CRISPLD2: variants seen among roughly 807,000 people sequenced by gnomAD.
The protein encoded by CRISPLD2 is cysteine rich secretory protein LCCL domain containing 2.
In CRISPLD2, 47 loss-of-function variants were observed where a neutral mutation model predicts 71.1. That is an observed-to-expected ratio of 0.66 (90% CI 0.52 to 0.84). The LOEUF (loss-of-function observed/expected upper bound fraction) is 0.84. Ranked by LOEUF, CRISPLD2 falls within the 40% of genes least tolerant of loss-of-function variation. The pLI, the probability that CRISPLD2 is intolerant of heterozygous loss-of-function variation, is 0.00. For synonymous variants in CRISPLD2, 317 were observed against 250.1 expected (o/e 1.27, Z -2.52); for missense variants, 830 against 651.1 (o/e 1.27, Z -2.99).
At chr16:84,881,755 G>A (rs768863694) in intron 13 of CRISPLD2, among the ~76,000 whole-genome samples, 3 of 151,940 alleles carry the variant, frequency 2.0e-5, no homozygotes, top group Non-Finnish European at 2.9e-5. Context: ...GGATTATAGG[G>A]GTGAGCCACT....
intron 7 of CRISPLD2, among the ~76,000 whole-genome samples, chr16:84,868,071 A>T (rs1213683847): frequency 6.6e-6 from 1 of 151,876 alleles, no homozygotes; most frequent in Non-Finnish European, 1.5e-5. Context: ...CTAAAACTGG[A>T]CCCCTCTTTG....
At chr16:84,850,933 T>C (rs1208986060) in intron 5 of CRISPLD2, among the ~76,000 whole-genome samples, 1 of 88,568 alleles carries the variant, frequency 1.1e-5, no homozygotes, top group African/African-American at 3.1e-5. Context: ...CAACATCACA[T>C]CTCCCCAAGC....
At chr16:84,882,129 A>G (rs905858578) in intron 13 of CRISPLD2, among the ~76,000 whole-genome samples, 2 of 152,186 alleles carry the variant, frequency 1.3e-5, no homozygotes, top group African/African-American at 2.4e-5. Flanking sequence ...TTTTCAAATG[A>G]TTTAAAAATA....
intron 6 of CRISPLD2, 43 bp downstream of exon 6, chr16:84,854,872 C>T (rs183662180): frequency 9.6e-5 from 138 of 1,432,160 alleles, no homozygotes; most frequent in Non-Finnish European, 1.2e-4. Context: ...AATTTGCCCT[C>T]AGTCTGAGTC....
chr16:84,836,907 C>T (rs1916634951), intron 1 of CRISPLD2, among the ~76,000 whole-genome samples: 1 of 152,210 alleles, frequency 6.6e-6, no homozygotes, highest in Non-Finnish European at 1.5e-5. Context: ...CCAGACAGAG[C>T]TGCTTCTTCC....
rs199841126 is a variant in CRISPLD2, at chr16:84,849,537, C to T, written c.492+20C>T. ...ACACAGGTAACTCGGGGACTTGCCA[C>T]GACCTCAGCCCTGCCCCCCAATCCC... On this transcript the variant is annotated intron_variant, in intron 4 of 14. Transcript: ENST00000262424. 1,468 of 1,611,462 alleles carry T rather than the reference C, an allele frequency of 9.1e-4. 1 individual carries two copies. The highest frequency in any genetic ancestry group is 1.2e-3 in the Non-Finnish European group (1,375 of 1,178,228).
chr16:84,901,308 C>G (rs887936173), intron 14 of CRISPLD2, among the ~76,000 whole-genome samples: 17 of 152,124 alleles, frequency 1.1e-4, no homozygotes, highest in African/African-American at 4.1e-4. Context: ...CACATAAGAT[C>G]TAAACATCTC....
intron 14 of CRISPLD2, among the ~76,000 whole-genome samples, chr16:84,900,096 C>T (rs2071740268): frequency 1.3e-5 from 2 of 152,170 alleles, no homozygotes; most frequent in East Asian, 3.9e-4. Context: ...CTTTCTCCTC[C>T]TCTTGGTCCG....
At position 84,884,241 on chromosome 16, in the gene CRISPLD2, C is replaced by G. The variant is rs567851509; in HGVS notation, c.1305+3657C>G. On this transcript the variant is annotated intron_variant, in intron 13 of 14. Transcript: ENST00000262424. ...CTGGCTCCGGGTGGCAGTCCCGCCT[C>G]TGATCTTTATCAGCTGAGTGATTTG... Among the ~76,000 whole-genome samples the G allele has an allele frequency of 4.6e-5, 7 of 152,352 alleles. No homozygotes were observed. The South Asian group carries it at 1.4e-3, about 32-fold the overall frequency.
At chr16:84,871,717 A>G (rs2934493) in intron 8 of CRISPLD2, among the ~76,000 whole-genome samples, 69,043 of 151,576 alleles carry the variant, frequency 0.46, 17,034 homozygotes, top group East Asian at 0.66. Context: ...ACACGCGGCT[A>G]ATTTTTATAT....
chr16:84,820,980 A>C (rs928493294), intron 1 of CRISPLD2, among the ~76,000 whole-genome samples: 1 of 152,238 alleles, frequency 6.6e-6, no homozygotes, highest in African/African-American at 2.4e-5. Context: ...TGGACAAGCC[A>C]GGGAGGACTT....
At chr16:84,850,709 G>T (rs1917065790) in intron 5 of CRISPLD2, 26 bp downstream of exon 5, 2 of 1,580,246 alleles carry the variant, frequency 1.3e-6, no homozygotes, top group Non-Finnish European at 1.7e-6. Context: ...GCCGTTGTAT[G>T]GGGTGGGGGT....
At chr16:84,877,626 G>C in intron 12 of CRISPLD2, 116 bp downstream of exon 12, 1 of 794,248 alleles carries the variant, frequency 1.3e-6, no homozygotes, top group Non-Finnish European at 2.0e-6. Flanking sequence ...GAGGCGGGTG[G>C]ATCACTTGAG....
intron 6 of CRISPLD2, among the ~76,000 whole-genome samples, chr16:84,865,243 C>T (rs1050290624): frequency 2.0e-5 from 3 of 151,890 alleles, no homozygotes; most frequent in Non-Finnish European, 2.9e-5. Context: ...GCAACCTCCA[C>T]CTCCCAGGTT....
chr16:84,885,014 G>T (rs2071599999), intron 13 of CRISPLD2, among the ~76,000 whole-genome samples: 1 of 152,230 alleles, frequency 6.6e-6, no homozygotes, highest in Admixed American at 6.5e-5. Context: ...GAGCAATGCT[G>T]AGAGAGACAG....
chr16:84,886,370 G>T (rs931929715), intron 13 of CRISPLD2, among the ~76,000 whole-genome samples: 3 of 152,196 alleles, frequency 2.0e-5, no homozygotes, highest in Admixed American at 1.3e-4. Flanking sequence ...GGGGCCCCCG[G>T]ATGGGCCGAG....
intron 12 of CRISPLD2, among the ~76,000 whole-genome samples, chr16:84,880,055 G>A (rs1005762277): frequency 1.6e-4 from 25 of 152,196 alleles, no homozygotes; most frequent in African/African-American, 5.5e-4. Flanking sequence ...CCCCGCCTTG[G>A]AATATTCTGT....
chr16:84,850,270 T>TG (rs1367522770), intron 4 of CRISPLD2, among the ~76,000 whole-genome samples: 1 of 152,026 alleles, frequency 6.6e-6, no homozygotes, highest in Admixed American at 6.6e-5. Flanking sequence ...TTTGTTTTTT[T>TG]AGTAGAGATG....
At chr16:84,881,241 C>G (rs935137529) in intron 13 of CRISPLD2, among the ~76,000 whole-genome samples, 2 of 152,226 alleles carry the variant, frequency 1.3e-5, no homozygotes, top group Admixed American at 6.5e-5. Flanking sequence ...GGTCCACGCA[C>G]TGTATTTCTT....
Sources: gnomAD v4.1 joint callset for allele counts (sites outside exome capture counted in the v4.1 genomes callset) on GRCh38, gnomAD v4.1.1 for gene constraint, MANE v1.5 for transcripts, NCBI Gene and HGNC (gene_info 2026-07-23, HGNC 2026-07-21) for gene names.